Variants in TMEM178B observed in about 807,000 individuals in gnomAD.
TMEM178B encodes transmembrane protein 178B.
Under a neutral mutation model 31.0 loss-of-function variants are expected in TMEM178B, and 5 were observed. That is an observed-to-expected ratio of 0.16 (90% CI 0.08 to 0.34). The LOEUF is 0.34. Ranked by LOEUF, TMEM178B falls within the 10% of genes least tolerant of loss-of-function variation. The pLI is 1.00. For synonymous variants in TMEM178B, 164 were observed against 164.0 expected, an observed-to-expected ratio of 1.00 and a Z score of 0.00; for missense variants, 275 against 400.3, an observed-to-expected ratio of 0.69 and a Z score of 2.67.
chr7:141,490,496 G>C, the TMEM178B span, among the ~76,000 whole-genome samples: 1 of 152,156 alleles, frequency 6.6e-6, no homozygotes, highest in Admixed American at 6.5e-5. Flanking sequence ...CTTGGGGAGA[G>C]GCATGGAACA....
At chr7:141,467,398 G>A (rs1173172796) in intron 3 of TMEM178B, among the ~76,000 whole-genome samples, 2 of 152,154 alleles carry the variant, frequency 1.3e-5, no homozygotes, top group African/African-American at 4.8e-5. Context: ...GCATACATGT[G>A]TGACACAAAT....
At chr7:141,112,538 G>A (rs535314900) in intron 1 of TMEM178B, among the ~76,000 whole-genome samples, 66 of 152,342 alleles carry the variant, frequency 4.3e-4, no homozygotes, top group African/African-American at 1.4e-3. Context: ...ACAGGCATGA[G>A]CCACCACGCC....
intron 2 of TMEM178B, among the ~76,000 whole-genome samples, chr7:141,388,062 G>A (rs924671115): frequency 6.6e-6 from 1 of 152,216 alleles, no homozygotes; most frequent in African/African-American, 2.4e-5. Context: ...CTGGGTGTGA[G>A]GTTGTGACCG....
chr7:141,138,186 C>T (rs1322854036), intron 1 of TMEM178B, among the ~76,000 whole-genome samples: 1 of 151,948 alleles, frequency 6.6e-6, no homozygotes, highest in East Asian at 1.9e-4. Flanking sequence ...CTCAGCCTCC[C>T]GAATAGCTGG....
At chr7:141,194,243 T>G (rs954595693) in intron 1 of TMEM178B, among the ~76,000 whole-genome samples, 4 of 152,086 alleles carry the variant, frequency 2.6e-5, no homozygotes, top group Non-Finnish European at 4.4e-5. Flanking sequence ...TTTCAGCAAT[T>G]ACCCAAAAGT....
At chr7:141,269,200 C>T (rs1471394319) in intron 2 of TMEM178B, among the ~76,000 whole-genome samples, 1 of 151,294 alleles carries the variant, frequency 6.6e-6, no homozygotes, top group Non-Finnish European at 1.5e-5. Flanking sequence ...AAGCAATTCT[C>T]ATGTCTCAGC....
At chr7:141,446,477 A>G (rs1801760585) in intron 3 of TMEM178B, among the ~76,000 whole-genome samples, 1 of 152,222 alleles carries the variant, frequency 6.6e-6, no homozygotes, top group African/African-American at 2.4e-5. Flanking sequence ...AATGCAAAGG[A>G]GGATGGTTGG....
intron 3 of TMEM178B, among the ~76,000 whole-genome samples, chr7:141,457,893 G>A (rs925615701): frequency 4.6e-5 from 7 of 152,134 alleles, no homozygotes; most frequent in Non-Finnish European, 8.8e-5. Flanking sequence ...ACATTAAGTG[G>A]TCAAAGCCAG....
Position 141,479,957 on chromosome 7 carries a change from GTGT to G in TMEM178B, c.*9176_*9178del, listed in dbSNP as rs1487794209. Reference sequence around the variant, plus strand: ...TTGTTCTGATATGATGTGAATAAATGTGTTGTTTAATCTTAACAAGAATGCTAC... The same window carrying G: ...TTGTTCTGATATGATGTGAATAAATGTGTTTAATCTTAACAAGAATGCTAC... On this transcript the variant is annotated 3_prime_UTR_variant, in exon 4 of 4. Transcript: ENST00000565468. The G allele has an allele frequency of 2.6e-5, 4 of 152,186 alleles. No individual in the cohort carries two copies. Among genetic ancestry groups the G allele is most frequent in the Non-Finnish European group, 5.9e-5 (4 of 68,032 alleles). 9.4% of individuals were successfully genotyped at this position (152,186 alleles called of 1,614,324 possible). A position where few individuals can be genotyped will look rare whatever the true frequency, so the allele number is the denominator to read the frequency against.
intron 2 of TMEM178B, among the ~76,000 whole-genome samples, chr7:141,319,185 A>C (rs1041828669): frequency 1.3e-5 from 2 of 152,226 alleles, no homozygotes; most frequent in African/African-American, 4.8e-5. Flanking sequence ...GACCTGTCTC[A>C]AAAAGCAGTG....
chr7:141,082,201 A>T (rs539673732), intron 1 of TMEM178B, among the ~76,000 whole-genome samples: 1 of 152,234 alleles, frequency 6.6e-6, no homozygotes, highest in Non-Finnish European at 1.5e-5. Flanking sequence ...GTTCAGTGAC[A>T]TGTGACTGTA....
Position 141,180,030 on chromosome 7 carries a change from T to G in TMEM178B, c.383-32561T>G, listed in dbSNP as rs373382391. On this transcript the variant is annotated intron_variant, in intron 1 of 3. Transcript: ENST00000565468. ...CAGCCCATTTTTAAGAGGAAAGCAATTTAATTAAACCAACTTAAGATGTAA... is the reference window on the plus strand; with the variant it reads ...CAGCCCATTTTTAAGAGGAAAGCAAGTTAATTAAACCAACTTAAGATGTAA... Among the ~76,000 whole-genome samples, 30 of 152,242 alleles carry G rather than the reference T, an allele frequency of 2.0e-4. No homozygotes were observed. In the East Asian group the frequency reaches 5.2e-3, roughly 26 times the overall value.
At chr7:141,425,916 C>CT (rs1448599360) in intron 2 of TMEM178B, among the ~76,000 whole-genome samples, 1 of 152,200 alleles carries the variant, frequency 6.6e-6, no homozygotes, top group East Asian at 1.9e-4. Context: ...ACCTTCCCCC[C>CT]CTATCTCTTC....
At chr7:141,353,220 A>G (rs1303560063) in intron 2 of TMEM178B, among the ~76,000 whole-genome samples, 1 of 152,188 alleles carries the variant, frequency 6.6e-6, no homozygotes, top group African/African-American at 2.4e-5. Context: ...TCCAACTGGA[A>G]TGTCCTCTGA....
intron 2 of TMEM178B, among the ~76,000 whole-genome samples, chr7:141,270,080 C>CA (rs1178325768): frequency 6.6e-6 from 1 of 151,850 alleles, no homozygotes; most frequent in Admixed American, 6.6e-5. Context: ...AACAAACAAA[C>CA]AAAAAACTCA....
At chr7:141,321,731 T>A (rs1799101893) in intron 2 of TMEM178B, among the ~76,000 whole-genome samples, 2 of 152,066 alleles carry the variant, frequency 1.3e-5, no homozygotes, top group Non-Finnish European at 2.9e-5. Context: ...TTCTCAATCT[T>A]GGCAGCCCAT....
chr7:141,467,631 A>T (rs1802167947), intron 3 of TMEM178B, among the ~76,000 whole-genome samples: 1 of 152,100 alleles, frequency 6.6e-6, no homozygotes, highest in Non-Finnish European at 1.5e-5. Context: ...GGAAATGCAG[A>T]TTGAAGTCAC....
chr7:141,199,094 G>A (rs922082012), intron 1 of TMEM178B, among the ~76,000 whole-genome samples: 8 of 152,322 alleles, frequency 5.3e-5, no homozygotes, highest in Non-Finnish European at 1.2e-4. Flanking sequence ...GGGCACAGAC[G>A]GAGACAGCTC....
At chr7:141,102,153 A>G (rs556611894) in intron 1 of TMEM178B, among the ~76,000 whole-genome samples, 15 of 152,278 alleles carry the variant, frequency 9.9e-5, no homozygotes, top group Admixed American at 6.5e-4. Context: ...TGTAATTAGT[A>G]GTTTCATTAG....
Sources: gnomAD v4.1 joint callset for allele counts (sites outside exome capture counted in the v4.1 genomes callset) on GRCh38, gnomAD v4.1.1 for gene constraint, MANE v1.5 for transcripts, NCBI Gene and HGNC (gene_info 2026-07-23, HGNC 2026-07-21) for gene names.